Variants in GALNTL6 observed in about 807,000 individuals in gnomAD.
The protein encoded by GALNTL6 is polypeptide N-acetylgalactosaminyltransferase-like 6.
Under a neutral mutation model 73.7 loss-of-function variants are expected in GALNTL6, and 46 were observed. The ratio of observed to expected loss-of-function variants is 0.62; its 90% CI spans 0.49 to 0.80. GALNTL6 has a LOEUF of 0.80. Among genes scored for constraint, GALNTL6 ranks in the 30% least tolerant of loss-of-function variants. The pLI is 0.00. For missense variants in GALNTL6, 604 were observed against 755.0 expected, an observed-to-expected ratio of 0.80 and a Z score of 2.34; for synonymous variants, 259 against 263.7, an observed-to-expected ratio of 0.98 and a Z score of 0.17.
chr4:172,457,256 A>G (rs1732432209), intron 5 of GALNTL6, among the ~76,000 whole-genome samples: 1 of 152,108 alleles, frequency 6.6e-6, no homozygotes, highest in East Asian at 1.9e-4. Context: ...CACTGCAAAA[A>G]CATACCAAAT....
At chr4:172,718,808 A>G (rs556871905) in intron 5 of GALNTL6, among the ~76,000 whole-genome samples, 2 of 152,218 alleles carry the variant, frequency 1.3e-5, no homozygotes, top group Admixed American at 6.5e-5. Flanking sequence ...TTTAAAATCA[A>G]CTTTTAAAAA....
At chr4:172,481,164 C>T (rs1733449523) in intron 5 of GALNTL6, among the ~76,000 whole-genome samples, 1 of 152,046 alleles carries the variant, frequency 6.6e-6, no homozygotes, top group South Asian at 2.1e-4. Context: ...TTGCTGGCTT[C>T]AGGAGTGAAG....
At chr4:172,446,008 G>T (rs191932476) in intron 5 of GALNTL6, among the ~76,000 whole-genome samples, 4 of 152,058 alleles carry the variant, frequency 2.6e-5, no homozygotes, top group Admixed American at 1.3e-4. Context: ...GTTCAATGTA[G>T]AAGACATTAA....
In GALNTL6 at chr4:172,071,650, T is replaced by C. The variant is rs373412904; in HGVS notation, c.139-158006T>C. On this transcript the variant is annotated intron_variant, in intron 2 of 12. Coordinates refer to ENST00000506823, the MANE Select transcript of GALNTL6 (RefSeq NM_001034845.3). Reference sequence around the variant, plus strand: ...TCAATGCATTTAAGGTAGTGTTTGTTGTATATAAATAAATTCAATTAGGAA... The same window carrying C: ...TCAATGCATTTAAGGTAGTGTTTGTCGTATATAAATAAATTCAATTAGGAA... 1.1e-4 allele frequency among the ~76,000 whole-genome samples: 12 copies of C among 110,564 alleles called. 3 individuals carry two copies. The East Asian group carries it at 1.3e-3, about 12-fold the overall frequency. The allele number at this position is 110,564 out of a possible 152,430, so 72.5% of individuals were successfully genotyped here. A position where few individuals can be genotyped will look rare whatever the true frequency, so the allele number is the denominator to read the frequency against.
At chr4:172,075,312 A>G (rs1731667372) in intron 2 of GALNTL6, among the ~76,000 whole-genome samples, 1 of 152,132 alleles carries the variant, frequency 6.6e-6, no homozygotes, top group Non-Finnish European at 1.5e-5. Flanking sequence ...CACATTTTCA[A>G]GCCCAACAGG....
intron 5 of GALNTL6, among the ~76,000 whole-genome samples, chr4:172,601,501 C>T (rs1337791536): frequency 2.0e-5 from 3 of 152,138 alleles, no homozygotes; most frequent in African/African-American, 4.8e-5. Flanking sequence ...CCTAGACCCT[C>T]TCTTGCTTCC....
intron 3 of GALNTL6, among the ~76,000 whole-genome samples, chr4:172,243,701 G>A (rs1737528339): frequency 6.6e-6 from 1 of 152,180 alleles, no homozygotes; most frequent in African/African-American, 2.4e-5. Flanking sequence ...CATTCGAGAA[G>A]TGGGAATTTA....
intron 11 of GALNTL6, among the ~76,000 whole-genome samples, chr4:173,013,918 T>C (rs1752664959): frequency 6.6e-6 from 1 of 152,186 alleles, no homozygotes. Context: ...CTCTTCTACA[T>C]TTAGATTAAA....
At chr4:172,620,615 T>G (rs903368215) in intron 5 of GALNTL6, among the ~76,000 whole-genome samples, 11 of 152,194 alleles carry the variant, frequency 7.2e-5, no homozygotes, top group African/African-American at 2.7e-4. Flanking sequence ...TAATATTACT[T>G]TAAAGGTTGT....
At chr4:172,555,195 A>T (rs935572876) in intron 5 of GALNTL6, among the ~76,000 whole-genome samples, 13 of 152,182 alleles carry the variant, frequency 8.5e-5, no homozygotes, top group Admixed American at 5.2e-4. Context: ...TATCAACTTA[A>T]TGCCTTTAAA....
At chr4:172,247,491 A>G (rs1002515855) in intron 3 of GALNTL6, among the ~76,000 whole-genome samples, 1 of 152,156 alleles carries the variant, frequency 6.6e-6, no homozygotes, top group South Asian at 2.1e-4. Context: ...GCTCCTTCCA[A>G]CAGTCATTCT....
chr4:172,299,685 C>A (rs11931048), intron 3 of GALNTL6, among the ~76,000 whole-genome samples: 151,024 of 152,314 alleles, frequency 0.99, 74,887 homozygotes, highest in Middle Eastern at 1. Flanking sequence ...GTTTTGAGTG[C>A]GTTTCTTAAT....
intron 4 of GALNTL6, among the ~76,000 whole-genome samples, chr4:172,314,929 G>T (rs1458342664): frequency 1.3e-5 from 2 of 152,052 alleles, no homozygotes; most frequent in South Asian, 4.2e-4. Flanking sequence ...ATTTTTTAAA[G>T]AAATTTTCTG....
At chr4:172,726,561 C>A (rs963516282) in intron 5 of GALNTL6, among the ~76,000 whole-genome samples, 9 of 152,166 alleles carry the variant, frequency 5.9e-5, no homozygotes, top group African/African-American at 2.2e-4. Flanking sequence ...TTTTTCCCAC[C>A]AGCCTGATTG....
chr4:172,311,494 C>G, intron 3 of GALNTL6, 120 bp from the exon 4 acceptor site: 1 of 638,282 alleles, frequency 1.6e-6, no homozygotes. Context: ...AATCTTAGTA[C>G]TAGCTCCTTC....
intron 5 of GALNTL6, among the ~76,000 whole-genome samples, chr4:172,577,450 C>T (rs930114931): frequency 6.6e-6 from 1 of 152,162 alleles, no homozygotes; most frequent in African/African-American, 2.4e-5. Context: ...GACATAACAT[C>T]ACTGTATAAT....
chr4:172,311,626 A>G lies in GALNTL6; in HGVS notation c.260A>G (p.His87Arg), dbSNP rs1214574349. The G allele has an allele frequency of 1.2e-6, 2 of 1,603,434 alleles. No individual in the cohort carries two copies. The highest frequency in any genetic ancestry group is 1.1e-5 in the South Asian group (1 of 89,382). ...KEAMRSGKGEHGKPYPLTEED... is the reference protein window; with the variant it reads ...KEAMRSGKGERGKPYPLTEED... ...TTTCTCCTGCTAGGGAAAGGTGAAC[A>G]TGGGAAACCTTACCCCCTTACTGAA... Residue 87 changes from histidine to arginine, a missense_variant, in exon 4 of 13, where the codon CAT becomes CGT. By Grantham distance (29) the His-to-Arg change is conservative (BLOSUM62 0). Transcript: ENST00000506823.
Position 172,589,829 on chromosome 4 carries a change from G to C in GALNTL6, c.554-219532G>C. ...GAATGACTGTGTGTTAGTGCATGCA[G>C]TCTCTCTCTCTCTCTGTCTCTCTCT... On this transcript the variant is annotated intron_variant, in intron 5 of 12. Coordinates refer to ENST00000506823, the MANE Select transcript of GALNTL6 (RefSeq NM_001034845.3). Among the ~76,000 whole-genome samples, 2 of 151,316 alleles carry C rather than the reference G, an allele frequency of 1.3e-5. 1 individual carries two copies. Among genetic ancestry groups the C allele is most frequent in the Middle Eastern group, 6.8e-3 (2 of 294 alleles).
At chr4:172,451,800 G>A (rs1287372288) in intron 5 of GALNTL6, among the ~76,000 whole-genome samples, 1 of 152,112 alleles carries the variant, frequency 6.6e-6, no homozygotes, top group African/African-American at 2.4e-5. Flanking sequence ...GAGGCCAGGA[G>A]TTCAAGACCA....
Sources: gnomAD v4.1 joint callset for allele counts (sites outside exome capture counted in the v4.1 genomes callset) on GRCh38, gnomAD v4.1.1 for gene constraint, MANE v1.5 for transcripts, NCBI Gene and HGNC (gene_info 2026-07-23, HGNC 2026-07-21) for gene names.